The following TMEM132D variants were observed in gnomAD, a reference collection of about 807,000 sequenced individuals.
The protein encoded by TMEM132D is mature OL transmembrane protein.
TMEM132D carries 21 observed loss-of-function variants against 62.3 expected under a neutral mutation model. That is an observed-to-expected ratio of 0.34 (90% CI 0.24 to 0.49). The LOEUF (loss-of-function observed/expected upper bound fraction) is 0.49. Ranked by LOEUF, TMEM132D falls within the 20% of genes least tolerant of loss-of-function variation. TMEM132D has a pLI of 0.99. For missense variants in TMEM132D, 1,346 were observed against 1,402.8 expected (o/e 0.96, Z 0.65); for synonymous variants, 621 against 575.6 (o/e 1.08, Z -1.13).
chr12:129,636,573 G>T (rs1593099373), intron 2 of TMEM132D, among the ~76,000 whole-genome samples: 1 of 152,130 alleles, frequency 6.6e-6, no homozygotes, highest in Non-Finnish European at 1.5e-5. Context: ...CATTCAGTCA[G>T]TTGGGGGGCT....
At chr12:129,432,828 A>G (rs1296578184) in intron 3 of TMEM132D, among the ~76,000 whole-genome samples, 1 of 152,226 alleles carries the variant, frequency 6.6e-6, no homozygotes, top group African/African-American at 2.4e-5. Flanking sequence ...ATTAGTGTGC[A>G]GATGGATGGG....
chr12:129,582,733 C>G (rs1486130345), intron 2 of TMEM132D, among the ~76,000 whole-genome samples: 1 of 151,586 alleles, frequency 6.6e-6, no homozygotes, highest in East Asian at 1.9e-4. Flanking sequence ...ATTCTCCTGC[C>G]TCACCTTCCC....
intron 3 of TMEM132D, among the ~76,000 whole-genome samples, chr12:129,524,529 CTTGATGG>C (rs1875954166): frequency 6.6e-6 from 1 of 152,144 alleles, no homozygotes; most frequent in Non-Finnish European, 1.5e-5. Flanking sequence ...TAATTCACAT[CTTGATGG>C]GCATTTAGGC....
rs148444392 is a variant in TMEM132D, at chr12:129,657,579, G to A, written c.968+42231C>T. 1.4e-4 allele frequency among the ~76,000 whole-genome samples: 21 copies of A among 152,306 alleles called. No homozygotes were observed. The East Asian group carries it at 3.9e-3, about 28-fold the overall frequency. ...AATGCTGAAGGTCATCGTTTGAGAG[G>A]GCAGCCTCCCCTTCAAGGCAACAAT... On this transcript the variant is annotated intron_variant, in intron 2 of 8. Transcript: ENST00000422113.
intron 2 of TMEM132D, among the ~76,000 whole-genome samples, chr12:129,669,731 A>C (rs1395877257): frequency 4.6e-5 from 4 of 87,496 alleles, no homozygotes; most frequent in African/African-American, 1.1e-4. Context: ...TAAATAAATA[A>C]ATAAATAAAC....
chr12:129,266,621 C>T (rs1484322753), intron 4 of TMEM132D, among the ~76,000 whole-genome samples: 1 of 148,050 alleles, frequency 6.8e-6, no homozygotes, highest in Non-Finnish European at 1.5e-5. Flanking sequence ...TTTCTCTCCT[C>T]TCCTCTCTCT....
intron 2 of TMEM132D, among the ~76,000 whole-genome samples, chr12:129,554,713 TA>T (rs1157158714): frequency 6.6e-6 from 1 of 152,204 alleles, no homozygotes; most frequent in African/African-American, 2.4e-5. Flanking sequence ...ATTGGGAAGA[TA>T]AACCTGGAGA....
intron 4 of TMEM132D, among the ~76,000 whole-genome samples, chr12:129,328,473 T>G (rs2135649102): frequency 6.6e-6 from 1 of 152,360 alleles, no homozygotes; most frequent in South Asian, 2.1e-4. Flanking sequence ...GCAATAACTC[T>G]TCTGCATTTG....
chr12:129,147,259 C>CATATGTGCATATGTATATAT (rs1565978372), intron 5 of TMEM132D, among the ~76,000 whole-genome samples: 1 of 88,600 alleles, frequency 1.1e-5, no homozygotes, highest in African/African-American at 7.0e-5. Flanking sequence ...TGTATATATA[C>CATATGTGCATATGTATATAT]ATATGTGCAT....
At chr12:129,872,255 G>C (rs1009230700) in intron 1 of TMEM132D, among the ~76,000 whole-genome samples, 1 of 152,160 alleles carries the variant, frequency 6.6e-6, no homozygotes, top group African/African-American at 2.4e-5. Context: ...TTTCCTGATA[G>C]GAGTAAATCT....
Position 129,605,660 on chromosome 12 carries a change from CATA to C in TMEM132D, c.969-74458_969-74456del, listed in dbSNP as rs1878606081. 2.1e-5 allele frequency among the ~76,000 whole-genome samples: 3 copies of C among 140,914 alleles called. No homozygotes were observed. In the South Asian group the frequency reaches 6.8e-4, roughly 32 times the overall value. 92.4% of individuals were successfully genotyped at this position (140,914 alleles called of 152,430 possible). A position where few individuals can be genotyped will look rare whatever the true frequency, so the allele number is the denominator to read the frequency against. Reference sequence around the variant, plus strand: ...ACACACACACACAAATATACATATACATATATATATATATATTTGTAGATAGAA... The same window carrying C: ...ACACACACACACAAATATACATATACTATATATATATATTTGTAGATAGAA... On this transcript the variant is annotated intron_variant, in intron 2 of 8. Transcript: ENST00000422113.
intron 1 of TMEM132D, among the ~76,000 whole-genome samples, chr12:129,807,697 G>A (rs1367468789): frequency 6.6e-6 from 1 of 152,314 alleles, no homozygotes; most frequent in East Asian, 1.9e-4. Context: ...AGGTGTGAAA[G>A]GCGGGCAGGC....
At position 129,074,495 on chromosome 12, in the gene TMEM132D, G is replaced by A. The variant is rs1874182466; in HGVS notation, c.2680C>T (p.Leu894Phe). The change falls in exon 9 of 9, where the codon CTC becomes TTC. Residue 894 changes from leucine to phenylalanine, a missense_variant. Physicochemically the swap from Leu to Phe is conservative, Grantham distance 22 (BLOSUM62 0). Coordinates refer to ENST00000422113, the MANE Select transcript of TMEM132D (RefSeq NM_133448.3). ...DLTSFPAQVD[L>F]PRSNGEMDGN... Reference sequence around the variant, plus strand: ...TCCATTTCCCCATTGCTTCTGGGGAGGTCCACCTGGGCTGGGAAGCTGGTG... The same window carrying A: ...TCCATTTCCCCATTGCTTCTGGGGAAGTCCACCTGGGCTGGGAAGCTGGTG... 6.2e-7 allele frequency: 1 copy of A among 1,614,142 alleles called. No homozygotes were observed. The highest frequency in any genetic ancestry group is 2.2e-5 in the East Asian group (1 of 44,872).
intron 1 of TMEM132D, among the ~76,000 whole-genome samples, chr12:129,896,872 GTTT>G (rs1566023009): frequency 6.6e-6 from 1 of 152,160 alleles, no homozygotes; most frequent in Non-Finnish European, 1.5e-5. Context: ...TCAAAGGCAT[GTTT>G]TTTACCTTTA....
intron 2 of TMEM132D, among the ~76,000 whole-genome samples, chr12:129,535,342 C>T (rs1167287222): frequency 6.6e-6 from 1 of 152,186 alleles, no homozygotes. Flanking sequence ...GGAAGTCAGT[C>T]TTTACCTGGA....
intron 1 of TMEM132D, among the ~76,000 whole-genome samples, chr12:129,738,820 C>T (rs1429524296): frequency 1.3e-5 from 2 of 152,154 alleles, no homozygotes; most frequent in African/African-American, 4.8e-5. Context: ...ATAGTAGAAC[C>T]TGCTTTCATT....
At chr12:129,859,648 AG>A (rs1405515426) in intron 1 of TMEM132D, among the ~76,000 whole-genome samples, 1 of 152,162 alleles carries the variant, frequency 6.6e-6, no homozygotes, top group Non-Finnish European at 1.5e-5. Flanking sequence ...GCTAGAAAAA[AG>A]CAGGCAAAGA....
chr12:129,581,540 G>A (rs1877863842), intron 2 of TMEM132D, among the ~76,000 whole-genome samples: 1 of 152,216 alleles, frequency 6.6e-6, no homozygotes, highest in East Asian at 1.9e-4. Context: ...AACTACTAGT[G>A]TAGGTCCAAG....
chr12:129,532,141 GA>G (rs1390538218), intron 2 of TMEM132D, among the ~76,000 whole-genome samples: 1 of 152,188 alleles, frequency 6.6e-6, no homozygotes, highest in Non-Finnish European at 1.5e-5. Context: ...CTAGAAGTTT[GA>G]AAAAGCTAAT....
Sources: allele counts gnomAD v4.1 joint callset (sites outside exome capture counted in the v4.1 genomes callset), GRCh38; gene constraint gnomAD v4.1.1; transcripts MANE v1.5; gene names NCBI Gene and HGNC (gene_info 2026-07-23, HGNC 2026-07-21).